Variants in TMCO4 observed in about 807,000 individuals in gnomAD.
TMCO4 encodes transmembrane and coiled-coil domains 4.
TMCO4 carries 58 observed loss-of-function variants against 64.7 expected under a neutral mutation model. The observed-to-expected ratio is 0.90, with a 90% CI of 0.73 to 1.12. The LOEUF is 1.12. Ranked by LOEUF, TMCO4 falls within the 50% of genes most tolerant of loss-of-function variation. TMCO4 has a pLI of 0.00. For missense variants in TMCO4, 780 were observed against 825.9 expected (o/e 0.94, Z 0.68); for synonymous variants, 325 against 346.1 (o/e 0.94, Z 0.68).
intron 12 of TMCO4, among the ~76,000 whole-genome samples, chr1:19,737,984 T>G (rs971534017): frequency 6.6e-6 from 1 of 152,202 alleles, no homozygotes; most frequent in Non-Finnish European, 1.5e-5. Flanking sequence ...GATAAGGTAG[T>G]AAGTCAGATG....
chr1:19,748,815 C>T (rs1027531617), intron 7 of TMCO4, among the ~76,000 whole-genome samples: 2 of 150,184 alleles, frequency 1.3e-5, no homozygotes, highest in African/African-American at 2.4e-5. Context: ...CAGAGTGAGA[C>T]CCTGTCTCGA....
chr1:19,733,555 G>C (rs2095439520), intron 13 of TMCO4, among the ~76,000 whole-genome samples: 1 of 152,206 alleles, frequency 6.6e-6, no homozygotes, highest in South Asian at 2.1e-4. Context: ...CTGTGCGTGG[G>C]CTGGGCTGCA....
chr1:19,778,560 C>T (rs79981913), intron 4 of TMCO4, among the ~76,000 whole-genome samples: 27,502 of 152,156 alleles, frequency 0.18, 2,718 homozygotes, highest in East Asian at 0.35. Flanking sequence ...CCACTGCACC[C>T]GGCTACATCA....
chr1:19,792,046 T>A (rs1181021079), intron 2 of TMCO4, among the ~76,000 whole-genome samples: 1 of 152,244 alleles, frequency 6.6e-6, no homozygotes, highest in African/African-American at 2.4e-5. Context: ...TGCCATCATG[T>A]AAGACGTGCC....
At chr1:19,755,541 C>A (rs1038686002) in intron 7 of TMCO4, 93 bp downstream of exon 7, 34 of 1,544,276 alleles carry the variant, frequency 2.2e-5, no homozygotes, top group Non-Finnish European at 2.9e-5. Flanking sequence ...CTCACTACAC[C>A]ATCTCTTAAA....
chr1:19,780,900 C>T, intron 3 of TMCO4, 134 bp from the exon 4 acceptor site: 2 of 734,818 alleles, frequency 2.7e-6, no homozygotes, highest in South Asian at 2.0e-5. Context: ...TTTTCATCAC[C>T]TTTAGGAGAG....
At position 19,757,669 on chromosome 1, in the gene TMCO4, C is replaced by T. The variant is rs986334442; in HGVS notation, c.383-1903G>A. On this transcript the variant is annotated intron_variant, in intron 6 of 15. Coordinates refer to ENST00000294543, the MANE Select transcript of TMCO4 (RefSeq NM_181719.7). ...ACTCCTTCCTTTGGGGGTCTGTGAT[C>T]GCTTACACAGACCTCTCTCTCAGTA... 2.6e-5 allele frequency among the ~76,000 whole-genome samples: 4 copies of T among 152,176 alleles called. No individual in the cohort carries two copies. The East Asian group carries it at 5.8e-4, about 22-fold the overall frequency.
intron 3 of TMCO4, among the ~76,000 whole-genome samples, chr1:19,783,481 T>C (rs1198437144): frequency 6.6e-6 from 1 of 152,236 alleles, no homozygotes; most frequent in Non-Finnish European, 1.5e-5. Flanking sequence ...AGAGGAGTTA[T>C]TTAAAAGTCT....
At chr1:19,716,245 C>T (rs57727798) in intron 13 of TMCO4, among the ~76,000 whole-genome samples, 47,231 of 149,950 alleles carry the variant, frequency 0.31, 7,979 homozygotes, top group Middle Eastern at 0.39. Context: ...AGCGCAGTGG[C>T]ACAATCTCTG....
At chr1:19,789,166 C>G (rs775582108) in intron 2 of TMCO4, among the ~76,000 whole-genome samples, 1 of 152,096 alleles carries the variant, frequency 6.6e-6, no homozygotes, top group Non-Finnish European at 1.5e-5. Context: ...CTTTGGGAGG[C>G]TGAGGCAGGC....
intron 13 of TMCO4, among the ~76,000 whole-genome samples, chr1:19,730,296 G>C (rs1487984763): frequency 6.6e-6 from 1 of 152,204 alleles, no homozygotes; most frequent in Non-Finnish European, 1.5e-5. Flanking sequence ...CCCTCGACCT[G>C]GGCATCTACA....
At chr1:19,754,212 C>T (rs1299472554) in intron 7 of TMCO4, among the ~76,000 whole-genome samples, 4 of 152,144 alleles carry the variant, frequency 2.6e-5, no homozygotes, top group Admixed American at 6.5e-5. Context: ...CAAATCGCTC[C>T]GGGTAATACG....
At chr1:19,685,442 G>A (rs1390918514) in intron 15 of TMCO4, among the ~76,000 whole-genome samples, 1 of 152,180 alleles carries the variant, frequency 6.6e-6, no homozygotes, top group Admixed American at 6.5e-5. Flanking sequence ...AGAGTCATAC[G>A]TTCATCCCAT....
intron 13 of TMCO4, among the ~76,000 whole-genome samples, chr1:19,719,356 C>T (rs1370222354): frequency 6.6e-6 from 1 of 152,204 alleles, no homozygotes; most frequent in East Asian, 1.9e-4. Context: ...TATACCCTCA[C>T]AGACAGGAGA....
At chr1:19,689,789 C>T (rs1235483162) in intron 15 of TMCO4, among the ~76,000 whole-genome samples, 1 of 152,230 alleles carries the variant, frequency 6.6e-6, no homozygotes, top group Non-Finnish European at 1.5e-5. Flanking sequence ...CCCTTTCACC[C>T]CATTCAGGGT....
rs866612147 is a variant in TMCO4 at position 19,739,822 on chromosome 1, A to T, written c.1179+2T>A. 6.2e-7 allele frequency: 1 copy of T among 1,612,382 alleles called. No homozygotes were observed. The highest frequency in any genetic ancestry group is 8.5e-7 in the Non-Finnish European group (1 of 1,179,382). ...CACGCCCACACAGCCATTCCCAGGT[A>T]CCTGCTGCCGGGAGAGCAGGATGTG... On this transcript the variant is annotated splice_donor_variant, in intron 12 of 15. Coordinates refer to ENST00000294543, the MANE Select transcript of TMCO4 (RefSeq NM_181719.7). LOFTEE classifies it high-confidence loss of function.
chr1:19,731,385 T>C (rs1398000432), intron 13 of TMCO4, among the ~76,000 whole-genome samples: 3 of 152,254 alleles, frequency 2.0e-5, no homozygotes, highest in Non-Finnish European at 4.4e-5. Context: ...AGCATTTATA[T>C]GCATTATTGC....
At chr1:19,691,530 G>C (rs1182990832) in intron 15 of TMCO4, among the ~76,000 whole-genome samples, 1 of 152,200 alleles carries the variant, frequency 6.6e-6, no homozygotes, top group Non-Finnish European at 1.5e-5. Flanking sequence ...AACACATGCA[G>C]CCCAGTGTGA....
intron 13 of TMCO4, among the ~76,000 whole-genome samples, chr1:19,719,667 T>G (rs1307640166): frequency 6.6e-6 from 1 of 152,064 alleles, no homozygotes; most frequent in Non-Finnish European, 1.5e-5. Flanking sequence ...CAGCTGGGGC[T>G]ACAGATGTAT....
Sources: gnomAD v4.1 joint callset for allele counts (sites outside exome capture counted in the v4.1 genomes callset) on GRCh38, gnomAD v4.1.1 for gene constraint, MANE v1.5 for transcripts, NCBI Gene and HGNC (gene_info 2026-07-23, HGNC 2026-07-21) for gene names.